The following GALNT18 variants were observed in gnomAD, a reference collection of about 807,000 sequenced individuals.
GALNT18 encodes GalNAc-transferase 18.
A neutral mutation model predicts 69.5 loss-of-function variants in GALNT18; 44 were observed. The ratio of observed to expected loss-of-function variants is 0.63; its 90% CI spans 0.50 to 0.81. The LOEUF (loss-of-function observed/expected upper bound fraction) is 0.81, where lower values mean the gene tolerates loss of function less well. Among genes scored for constraint, GALNT18 ranks in the 40% least tolerant of loss-of-function variants. The probability of loss-of-function intolerance (pLI) is 0.00; values close to 1 mark genes in which losing one functional copy is unlikely to be tolerated. For missense variants in GALNT18, 715 were observed against 810.0 expected (o/e 0.88, Z 1.42); for synonymous variants, 364 against 318.2 (o/e 1.14, Z -1.53).
chr11:11,395,706 A>G (rs935100353), intron 3 of GALNT18, among the ~76,000 whole-genome samples: 1 of 152,196 alleles, frequency 6.6e-6, no homozygotes, highest in Non-Finnish European at 1.5e-5. Context: ...AAAAGAGAGA[A>G]GGAAGGAGGC....
chr11:11,457,014 G>C (rs183200764), intron 1 of GALNT18, among the ~76,000 whole-genome samples: 1 of 152,242 alleles, frequency 6.6e-6, no homozygotes, highest in African/African-American at 2.4e-5. Flanking sequence ...CCACAGCTCT[G>C]AGCGTTGTGC....
Position 11,538,853 on chromosome 11 carries a change from A to G in GALNT18, c.235+82506T>C, listed in dbSNP as rs1446892497. ...CTTCATGGCTGTGGTTCCCATCTGC[A>G]CAGCACTGCCTGGCCTCCCACCCAA... On this transcript the variant is annotated intron_variant, in intron 1 of 10. Transcript: ENST00000227756. This position sits in a 1 kb window ranked among gnomAD's most constrained non-coding sequence, Gnocchi z 5.2. Among the ~76,000 whole-genome samples, 1 of 152,054 alleles carries G rather than the reference A, an allele frequency of 6.6e-6. No homozygotes were observed. Among genetic ancestry groups the G allele is most frequent in the African/African-American group, 2.4e-5 (1 of 41,400 alleles).
At chr11:11,452,563 T>C (rs935181079) in intron 1 of GALNT18, among the ~76,000 whole-genome samples, 2 of 152,182 alleles carry the variant, frequency 1.3e-5, no homozygotes, top group African/African-American at 2.4e-5. Context: ...TCCATGTCCA[T>C]AGACAAGTGG....
In GALNT18 at chr11:11,402,589, G is replaced by A; in HGVS notation, c.596-23325C>T. Among the ~76,000 whole-genome samples, 1 of 152,196 alleles carries A rather than the reference G, an allele frequency of 6.6e-6. No homozygotes were observed. Among genetic ancestry groups the A allele is most frequent in the East Asian group, 1.9e-4 (1 of 5,194 alleles). ...CATCAGCCACAGCTCTTGGAGAGAA[G>A]GATTGCACATGGCATGGCTTTCTGT... On this transcript the variant is annotated intron_variant, in intron 3 of 10. Coordinates refer to ENST00000227756, the MANE Select transcript of GALNT18 (RefSeq NM_198516.3). This position sits in a 1 kb window ranked among gnomAD's most constrained non-coding sequence, Gnocchi z 4.0.
chr11:11,446,476 T>G (rs1425961975), intron 2 of GALNT18, among the ~76,000 whole-genome samples: 1 of 152,174 alleles, frequency 6.6e-6, no homozygotes, highest in African/African-American at 2.4e-5. Flanking sequence ...GCCCTATTCC[T>G]GATGATCTCT....
At chr11:11,484,593 CAA>C (rs1159968814) in intron 1 of GALNT18, among the ~76,000 whole-genome samples, 13,121 of 82,564 alleles carry the variant, frequency 0.16, 594 homozygotes, top group South Asian at 0.23. Flanking sequence ...AACTCCATCT[CAA>C]AAAAAAAAAA....
At chr11:11,493,624 T>C (rs1019949522) in intron 1 of GALNT18, among the ~76,000 whole-genome samples, 1 of 152,078 alleles carries the variant, frequency 6.6e-6, no homozygotes, top group African/African-American at 2.4e-5. Flanking sequence ...AAAATAGAAA[T>C]GATGTTATCT....
At chr11:11,571,845 C>T (rs760309837) in intron 1 of GALNT18, among the ~76,000 whole-genome samples, 20 of 152,296 alleles carry the variant, frequency 1.3e-4, no homozygotes, top group Admixed American at 2.0e-4. Flanking sequence ...AACTTACTGA[C>T]GACAGTATCT....
chr11:11,443,178 G>C (rs1855570598), intron 2 of GALNT18, among the ~76,000 whole-genome samples: 1 of 152,138 alleles, frequency 6.6e-6, no homozygotes, highest in African/African-American at 2.4e-5. Context: ...GCCTGGCCCG[G>C]CTGGGGTGAG....
chr11:11,355,535 A>G (rs1162965796), intron 6 of GALNT18, among the ~76,000 whole-genome samples: 2 of 152,184 alleles, frequency 1.3e-5, no homozygotes, highest in African/African-American at 4.8e-5. Context: ...AAAAGCTTCT[A>G]GTTTGGACAG....
Position 11,347,395 on chromosome 11 carries a change from A to G in GALNT18, c.1093-6391T>C, listed in dbSNP as rs1219598043. 6.6e-6 allele frequency among the ~76,000 whole-genome samples: 1 copy of G among 152,032 alleles called. No individual in the cohort carries two copies. The highest frequency in any genetic ancestry group is 1.5e-5 in the Non-Finnish European group (1 of 68,010). On this transcript the variant is annotated intron_variant, in intron 6 of 10. Transcript: ENST00000227756. This position sits in a 1 kb window ranked among gnomAD's most constrained non-coding sequence, Gnocchi z 4.0. ...TGACAGGGATGGCAAATGAGTTTAC[A>G]CTCCTGTGTGAAATCCATTTGCTTG...
Position 11,494,854 on chromosome 11 carries a change from A to G in GALNT18, c.236-45918T>C, listed in dbSNP as rs1207478821. ...GAAGTATTTTAATCTTACAACTCCA[A>G]CCATGATCATCTGGGAGTGTTGCAA... is the stretch of plus-strand genomic sequence containing the variant. On this transcript the variant is annotated intron_variant, in intron 1 of 10. Coordinates refer to ENST00000227756, the MANE Select transcript of GALNT18 (RefSeq NM_198516.3). The surrounding 1 kb of genome is among the most constrained non-coding windows in gnomAD (Gnocchi z 5.7). 2.0e-5 allele frequency among the ~76,000 whole-genome samples: 3 copies of G among 152,192 alleles called. No individual in the cohort carries two copies. The highest frequency in any genetic ancestry group is 2.9e-5 in the Non-Finnish European group (2 of 68,032).
chr11:11,284,581 C>T (rs1444640529), intron 10 of GALNT18, among the ~76,000 whole-genome samples: 1 of 152,180 alleles, frequency 6.6e-6, no homozygotes, highest in African/African-American at 2.4e-5. Flanking sequence ...CTTACTTTTG[C>T]AATCAAGGAG....
chr11:11,453,979 T>C (rs75036423), intron 1 of GALNT18, among the ~76,000 whole-genome samples: 1,999 of 152,360 alleles, frequency 0.013, 39 homozygotes, highest in African/African-American at 0.044. Flanking sequence ...ATTTGCTTTG[T>C]TCTCTGTTGA....
intron 6 of GALNT18, among the ~76,000 whole-genome samples, chr11:11,344,675 T>G (rs1850270382): frequency 6.6e-6 from 1 of 152,206 alleles, no homozygotes. Context: ...GTTACTTCCC[T>G]CCCAAGCCTC....
rs11021792 is a variant in GALNT18, at chr11:11,314,169, A to G, written c.1512+12917T>C. On this transcript the variant is annotated intron_variant, in intron 9 of 10. Transcript: ENST00000227756. This position sits in a 1 kb window ranked among gnomAD's most constrained non-coding sequence, Gnocchi z 5.2. The stretch of plus-strand genomic sequence containing the variant: ...GAGGCCTGGGAAGCAAGACTGTCCA[A>G]AGAACGGTGGGTGGAGGGCAAGAGA... Among the ~76,000 whole-genome samples, 16,823 of 152,146 alleles carry G rather than the reference A, an allele frequency of 0.11. 964 individuals carry two copies. Among genetic ancestry groups the G allele is most frequent in the Non-Finnish European group, 0.13 (8,760 of 68,000 alleles).
chr11:11,455,769 G>A (rs191002307), intron 1 of GALNT18, among the ~76,000 whole-genome samples: 13 of 152,302 alleles, frequency 8.5e-5, no homozygotes, highest in African/African-American at 3.1e-4. Context: ...CCAAAGCTCA[G>A]CATGGTAAGC....
chr11:11,530,982 A>T (rs995065012), intron 1 of GALNT18, among the ~76,000 whole-genome samples: 1 of 152,204 alleles, frequency 6.6e-6, no homozygotes, highest in African/African-American at 2.4e-5. Context: ...GCACTCACTG[A>T]GGACAACACT....
At chr11:11,392,210 G>A (rs147109835) in intron 3 of GALNT18, among the ~76,000 whole-genome samples, 11 of 152,274 alleles carry the variant, frequency 7.2e-5, no homozygotes, top group African/African-American at 2.6e-4. Context: ...ATTCAGTAGA[G>A]GTTTATTGAC....
Sources: allele counts gnomAD v4.1 joint callset (sites outside exome capture counted in the v4.1 genomes callset), GRCh38; gene constraint gnomAD v4.1.1; non-coding constraint Gnocchi (gnomAD v3.1); transcripts MANE v1.5; gene names NCBI Gene and HGNC (gene_info 2026-07-23, HGNC 2026-07-21).